The following PLXDC2 variants were observed in gnomAD, a reference collection of about 807,000 sequenced individuals.
The protein encoded by PLXDC2 is plexin domain-containing protein 2.
Under a neutral mutation model 68.9 loss-of-function variants are expected in PLXDC2, and 40 were observed. The observed-to-expected ratio is 0.58, with a 90% CI of 0.45 to 0.76. PLXDC2 has a LOEUF of 0.76. Ranked by LOEUF, PLXDC2 falls within the 30% of genes least tolerant of loss-of-function variation. PLXDC2 has a pLI of 0.00. For synonymous variants in PLXDC2, 243 were observed against 234.2 expected (o/e 1.04, Z -0.34); for missense variants, 644 against 661.9 (o/e 0.97, Z 0.30).
chr10:20,186,145 T>TA (rs951211047), intron 9 of PLXDC2, among the ~76,000 whole-genome samples: 17 of 151,914 alleles, frequency 1.1e-4, no homozygotes, highest in Non-Finnish European at 1.9e-4. Flanking sequence ...TTGTCTTTGC[T>TA]AAAAAAAGTC....
At position 20,158,501 on chromosome 10, in the gene PLXDC2, C is replaced by CA. The variant is rs59079629; in HGVS notation, c.784-5941dup. ...GTAACATAATGAGACTCTGTCTCTG[C>CA]AAAAAAAAAAAAAAAAAAAAAAAAA... On this transcript the variant is annotated intron_variant, in intron 6 of 13. Transcript: ENST00000377252. 2.1e-3 allele frequency among the ~76,000 whole-genome samples: 244 copies of CA among 118,726 alleles called. 3 individuals carry two copies. Among genetic ancestry groups the CA allele is most frequent in the South Asian group, 0.016 (51 of 3,224 alleles). The allele number at this position is 118,726 out of a possible 152,430, so 77.9% of individuals were successfully genotyped here.
chr10:19,849,078 T>C (rs1490599779), intron 1 of PLXDC2, among the ~76,000 whole-genome samples: 1 of 152,178 alleles, frequency 6.6e-6, no homozygotes, highest in Admixed American at 6.5e-5. Flanking sequence ...TTTTATTTAA[T>C]CATAGGGATT....
At chr10:20,204,306 T>C (rs1434758676) in intron 9 of PLXDC2, among the ~76,000 whole-genome samples, 2 of 152,190 alleles carry the variant, frequency 1.3e-5, no homozygotes, top group Non-Finnish European at 2.9e-5. Flanking sequence ...AGAAAATTAT[T>C]TTCCCATATC....
chr10:20,080,466 C>T (rs1836532708), intron 4 of PLXDC2, among the ~76,000 whole-genome samples: 1 of 152,086 alleles, frequency 6.6e-6, no homozygotes, highest in African/African-American at 2.4e-5. Context: ...GTCTAAGAGC[C>T]CCTGGCAAAC....
At chr10:20,056,391 A>G (rs888145620) in intron 3 of PLXDC2, among the ~76,000 whole-genome samples, 6 of 152,210 alleles carry the variant, frequency 3.9e-5, no homozygotes, top group South Asian at 2.1e-4. Flanking sequence ...CTGGAAGCCA[A>G]TAAGTACATG....
intron 1 of PLXDC2, among the ~76,000 whole-genome samples, chr10:19,962,009 G>A (rs764308802): frequency 3.3e-5 from 5 of 152,136 alleles, no homozygotes; most frequent in African/African-American, 7.2e-5. Flanking sequence ...GATACTGAAT[G>A]TATTGCCTTT....
chr10:19,889,634 A>T (rs1247473173), intron 1 of PLXDC2, among the ~76,000 whole-genome samples: 1 of 152,084 alleles, frequency 6.6e-6, no homozygotes, highest in Non-Finnish European at 1.5e-5. Context: ...TGTCTTACTG[A>T]GGCACCAACT....
rs2297490 is a variant in PLXDC2, at chr10:20,288,483, C to G, written c.*8664C>G. On this transcript the variant is annotated 3_prime_UTR_variant, in exon 14 of 14. Coordinates refer to ENST00000377252, the MANE Select transcript of PLXDC2 (RefSeq NM_032812.9). Reference sequence around the variant, plus strand: ...AATGTAAAAATGATTGTATCTGAATCTGCACTAATGGTGTCTGAGAGCAAA... The same window carrying G: ...AATGTAAAAATGATTGTATCTGAATGTGCACTAATGGTGTCTGAGAGCAAA... 6.6e-6 allele frequency: 1 copy of G among 151,974 alleles called. No homozygotes were observed. The highest frequency in any genetic ancestry group is 2.4e-5 in the African/African-American group (1 of 41,348). 9.4% of individuals were successfully genotyped at this position (151,974 alleles called of 1,614,324 possible).
At chr10:20,010,781 C>T (rs533825671) in intron 2 of PLXDC2, among the ~76,000 whole-genome samples, 1 of 152,252 alleles carries the variant, frequency 6.6e-6, no homozygotes, top group South Asian at 2.1e-4. Flanking sequence ...TTTAATCTCC[C>T]CATTCCCCAA....
At chr10:19,906,085 G>A (rs1165614257) in intron 1 of PLXDC2, among the ~76,000 whole-genome samples, 2 of 152,164 alleles carry the variant, frequency 1.3e-5, no homozygotes, top group African/African-American at 4.8e-5. Context: ...GAATGATAGG[G>A]CATGTTAGAC....
chr10:19,989,851 G>A (rs1351641169), intron 1 of PLXDC2, among the ~76,000 whole-genome samples: 1 of 151,084 alleles, frequency 6.6e-6, no homozygotes, highest in Non-Finnish European at 1.5e-5. Flanking sequence ...CTGGGTTTAA[G>A]CAATTCTCCT....
In PLXDC2 at chr10:20,283,744, A is replaced by C. The variant is rs559676351; in HGVS notation, c.*3925A>C. ...CTATTTTACACTTAACAGCAAAAGG[A>C]GGCTTCCATTTAGAAGGCACTATCT... On this transcript the variant is annotated 3_prime_UTR_variant, in exon 14 of 14. Transcript: ENST00000377252. 93 of 152,282 alleles carry C rather than the reference A, an allele frequency of 6.1e-4. No homozygotes were observed. Among genetic ancestry groups the C allele is most frequent in the African/African-American group, 2.2e-3 (91 of 41,574 alleles). 9.4% of individuals were successfully genotyped at this position (152,282 alleles called of 1,614,324 possible). A position where few individuals can be genotyped will look rare whatever the true frequency, so the allele number is the denominator to read the frequency against.
chr10:19,910,815 C>G (rs1267318741), intron 1 of PLXDC2, among the ~76,000 whole-genome samples: 1 of 151,762 alleles, frequency 6.6e-6, no homozygotes, highest in East Asian at 1.9e-4. Flanking sequence ...CCGGGACCAG[C>G]CTAGTGAACA....
chr10:20,073,430 C>T (rs1452167439), intron 4 of PLXDC2, among the ~76,000 whole-genome samples: 1 of 152,038 alleles, frequency 6.6e-6, no homozygotes, highest in Non-Finnish European at 1.5e-5. Flanking sequence ...TTCCACAGCC[C>T]CTCTTTGTAT....
chr10:19,915,879 AG>A (rs1564627781), intron 1 of PLXDC2, among the ~76,000 whole-genome samples: 271 of 152,044 alleles, frequency 1.8e-3, no homozygotes, highest in African/African-American at 5.5e-3. Flanking sequence ...AAGAAGAAGA[AG>A]AAGAAAAAAA....
At position 20,046,905 on chromosome 10, in the gene PLXDC2, T is replaced by C; in HGVS notation, c.361T>C (p.Tyr121His). ...CCACAATTACTATATATCTCGAATA[T>C]ATGGTCCATCTGATTCTGCCAGCCG... ...TDHNYYISRI[Y>H]GPSDSASRDL... is the part of the protein sequence containing the mutation. The change falls in exon 3 of 14, where the codon TAT (tyrosine) becomes CAT (histidine). Residue 121 changes from tyrosine to histidine, a missense_variant. Physicochemically the swap from Tyr to His is moderately conservative, Grantham distance 83. This residue lies in a region of PLXDC2 where 201 missense variants were observed against 166.9 expected (regional missense o/e 1.20). Transcript: ENST00000377252. 1 of 1,612,570 alleles carries C rather than the reference T, an allele frequency of 6.2e-7. No homozygotes were observed. Among genetic ancestry groups the C allele is most frequent in the South Asian group, 1.1e-5 (1 of 90,978 alleles).
At chr10:19,876,063 T>C (rs555455619) in intron 1 of PLXDC2, among the ~76,000 whole-genome samples, 1 of 152,314 alleles carries the variant, frequency 6.6e-6, no homozygotes, top group East Asian at 1.9e-4. Context: ...GTGGGGATTA[T>C]GAGTTCAAAC....
At chr10:20,111,107 A>G (rs1251618269) in intron 4 of PLXDC2, among the ~76,000 whole-genome samples, 1 of 152,220 alleles carries the variant, frequency 6.6e-6, no homozygotes, top group Non-Finnish European at 1.5e-5. Flanking sequence ...GGCTGCACAG[A>G]ACACTAGGCA....
At chr10:20,089,823 C>G (rs1833252464) in intron 4 of PLXDC2, among the ~76,000 whole-genome samples, 1 of 152,214 alleles carries the variant, frequency 6.6e-6, no homozygotes, top group Non-Finnish European at 1.5e-5. Context: ...TAATAATTAA[C>G]TGATATAAGA....
Sources: allele counts gnomAD v4.1 joint callset (sites outside exome capture counted in the v4.1 genomes callset), GRCh38; gene constraint gnomAD v4.1.1; regional missense constraint gnomAD v4.1.1; transcripts MANE v1.5; gene names NCBI Gene and HGNC (gene_info 2026-07-23, HGNC 2026-07-21).